Variants in HECTD4 observed in about 807,000 individuals in gnomAD.
HECTD4 encodes the protein HECT domain E3 ubiquitin protein ligase 4.
Under a neutral mutation model 471.5 loss-of-function variants are expected in HECTD4, and 114 were observed. That is an observed-to-expected ratio of 0.24 (90% CI 0.21 to 0.28). The LOEUF (loss-of-function observed/expected upper bound fraction) is 0.28. HECTD4 is among the 10% of genes least tolerant of loss of function. HECTD4 has a pLI of 1.00. For synonymous variants in HECTD4, 2,012 were observed against 2,256.0 expected (o/e 0.89, Z 3.07); for missense variants, 3,866 against 5,651.5 (o/e 0.68, Z 10.13).
At chr12:112,195,868 G>C (rs556723966) in intron 55 of HECTD4, among the ~76,000 whole-genome samples, 7 of 152,208 alleles carry the variant, frequency 4.6e-5, no homozygotes, top group Non-Finnish European at 1.0e-4. Context: ...TAGTGCCTAA[G>C]CACGTCTTAT....
intron 1 of HECTD4, among the ~76,000 whole-genome samples, chr12:112,364,469 C>A (rs1468819014): frequency 6.6e-6 from 1 of 151,864 alleles, no homozygotes; most frequent in African/African-American, 2.4e-5. Context: ...GCAGCTCAGG[C>A]TTGTAATGCC....
Position 112,185,432 on chromosome 12 carries a change from C to T in HECTD4, c.9534G>A (p.Leu3178=). ...ACVKELVFHL[L]AELLRTVHTL... ...TGTGCACCGTGCGCAGGAGCTCTGC[C>T]AGGAGATGGAAAACAAGCTCCTTCA... The change falls in exon 61 of 76, where the codon CTG becomes CTA. Residue 3178 remains leucine (L), a synonymous_variant. Coordinates refer to ENST00000682272, the MANE Select transcript of HECTD4 (RefSeq NM_001388303.1). 6.3e-7 allele frequency: 1 copy of T among 1,582,986 alleles called. No homozygotes were observed. The highest frequency in any genetic ancestry group is 8.6e-7 in the Non-Finnish European group (1 of 1,163,246).
chr12:112,353,462 T>G, intron 1 of HECTD4, among the ~76,000 whole-genome samples: 1 of 152,244 alleles, frequency 6.6e-6, no homozygotes, highest in East Asian at 1.9e-4. Context: ...AGCTTCGTAT[T>G]GTCTTTTATA....
chr12:112,209,088 G>C (rs2032681878), intron 50 of HECTD4, among the ~76,000 whole-genome samples: 1 of 151,498 alleles, frequency 6.6e-6, no homozygotes, highest in Non-Finnish European at 1.5e-5. Flanking sequence ...TTTTTGTAGA[G>C]ACAGGGTCTC....
chr12:112,187,622 C>CTTTTTTTT (rs150976845), intron 60 of HECTD4, among the ~76,000 whole-genome samples: 1 of 85,964 alleles, frequency 1.2e-5, no homozygotes, highest in Non-Finnish European at 2.1e-5. Context: ...GTTTCCTTTC[C>CTTTTTTTT]TTTTTTTTTT....
intron 1 of HECTD4, among the ~76,000 whole-genome samples, chr12:112,326,826 G>T (rs541892205): frequency 6.6e-6 from 1 of 152,134 alleles, no homozygotes; most frequent in East Asian, 1.9e-4. Context: ...ATTGAAAAGG[G>T]TCAAGTAAGA....
rs779939342 is a variant in HECTD4 at position 112,230,631 on chromosome 12, T to A, written c.6336+56A>T. 4.6e-6 allele frequency: 7 copies of A among 1,533,758 alleles called. No individual in the cohort carries two copies. The Admixed American group carries it at 1.4e-4, about 31-fold the overall frequency. On this transcript the variant is annotated intron_variant, in intron 40 of 75. Transcript: ENST00000682272. The stretch of plus-strand genomic sequence containing the variant: ...AAATGCCCCTTGCTGGGTATGATTC[T>A]AATTCTAATTAGCTTACTTCTTATT...
Position 112,244,340 on chromosome 12 carries a change from G to A in HECTD4, c.4514-331C>T, listed in dbSNP as rs539878398. Among the ~76,000 whole-genome samples the A allele has an allele frequency of 1.9e-4, 29 of 152,128 alleles. No homozygotes were observed. The South Asian group carries it at 3.7e-3, about 20-fold the overall frequency. The stretch of plus-strand genomic sequence containing the variant: ...AATGGAGGACATAGAAAGTATTGCC[G>A]AAAATCACAAATTTCTTTTTTTTAA... On this transcript the variant is annotated intron_variant, in intron 29 of 75. Transcript: ENST00000682272.
chr12:112,161,763 G>A lies in HECTD4; in HGVS notation c.*624C>T, dbSNP rs1291794687. On this transcript the variant is annotated 3_prime_UTR_variant, in exon 76 of 76. Coordinates refer to ENST00000682272, the MANE Select transcript of HECTD4 (RefSeq NM_001388303.1). The stretch of plus-strand genomic sequence containing the variant: ...GACGGCAGATAGGGAGGTATGGGAG[G>A]GGCAGGGGAACCACTGTGGGCTTTT... 6.6e-6 allele frequency: 1 copy of A among 152,302 alleles called. No individual in the cohort carries two copies. Among genetic ancestry groups the A allele is most frequent in the Non-Finnish European group, 1.5e-5 (1 of 68,130 alleles). 9.4% of individuals were successfully genotyped at this position (152,302 alleles called of 1,614,324 possible).
Position 112,243,787 on chromosome 12 carries a change from C to A in HECTD4, c.4650-26G>T, listed in dbSNP as rs2033694452. On this transcript the variant is annotated intron_variant, in intron 30 of 75. Transcript: ENST00000682272. This position sits in a 1 kb window ranked among gnomAD's most constrained non-coding sequence, Gnocchi z 6.6. ...CTACGGGGAACACAGAACAGACTGG[C>A]AAGACGAGAAACACACTCAGGGAGC... 11 of 1,609,608 alleles carry A rather than the reference C, an allele frequency of 6.8e-6. No homozygotes were observed. The highest frequency in any genetic ancestry group is 6.6e-5 in the South Asian group (6 of 90,838).
chr12:112,193,394 AT>A lies in HECTD4; in HGVS notation c.8955+74del. The A allele has an allele frequency of 6.9e-7, 1 of 1,447,060 alleles. No homozygotes were observed. Among genetic ancestry groups the A allele is most frequent in the Non-Finnish European group, 9.5e-7 (1 of 1,052,114 alleles). 89.6% of individuals were successfully genotyped at this position (1,447,060 alleles called of 1,614,324 possible). ...GGGACTTGGAAGGGAAAGGGGAGTC[AT>A]TTTCAGCAAGCCAGTGAGACTCCCA... On this transcript the variant is annotated intron_variant, in intron 57 of 75. Coordinates refer to ENST00000682272, the MANE Select transcript of HECTD4 (RefSeq NM_001388303.1). This position sits in a 1 kb window ranked among gnomAD's most constrained non-coding sequence, Gnocchi z 5.2.
intron 48 of HECTD4, among the ~76,000 whole-genome samples, chr12:112,215,229 C>T (rs1340459563): frequency 6.6e-6 from 1 of 152,088 alleles, no homozygotes; most frequent in East Asian, 1.9e-4. Context: ...TAACAAGCAG[C>T]CCCCTTAAGG....
intron 43 of HECTD4, 115 bp from the exon 44 acceptor site, chr12:112,226,873 A>C: frequency 1.6e-6 from 1 of 640,178 alleles, no homozygotes; most frequent in Non-Finnish European, 2.7e-6. Flanking sequence ...CAAGGTTCAA[A>C]CACCCCACTC....
chr12:112,336,425 A>T (rs2035959915), intron 1 of HECTD4, among the ~76,000 whole-genome samples: 1 of 151,988 alleles, frequency 6.6e-6, no homozygotes, highest in Non-Finnish European at 1.5e-5. Flanking sequence ...CAGGAGGCTG[A>T]GGCAGGAGAA....
At position 112,163,659 on chromosome 12, in the gene HECTD4, C is replaced by T. The variant is rs1240064031; in HGVS notation, c.12780G>A (p.Thr4260=). The change falls in exon 74 of 76, where the codon ACG becomes ACA. Residue 4260 remains threonine (T), a synonymous_variant. Coordinates refer to ENST00000682272, the MANE Select transcript of HECTD4 (RefSeq NM_001388303.1). This position sits in a 1 kb window ranked among gnomAD's most constrained non-coding sequence, Gnocchi z 8.2. ...TGGAGCCCAGGCCGGCCCGCACGGC[C>T]GTCACGCACTCCACATTCTGCAGCT... is the stretch of plus-strand genomic sequence containing the variant. ...LRELQNVECV[T]AVRAGLGSII... is the part of the protein sequence containing the mutation. The T allele has an allele frequency of 1.4e-5, 22 of 1,538,640 alleles. No individual in the cohort carries two copies. Among genetic ancestry groups the T allele is most frequent in the Admixed American group, 6.1e-5 (3 of 49,340 alleles).
rs771723331 is a variant in HECTD4 at position 112,265,177 on chromosome 12, G to A, written c.2617C>T (p.Pro873Ser). The A allele has an allele frequency of 2.5e-6, 4 of 1,589,974 alleles. No homozygotes were observed. Among genetic ancestry groups the A allele is most frequent in the East Asian group, 2.3e-5 (1 of 44,214 alleles). Residue 873 changes from proline (P) to serine (S), a missense_variant and splice_region_variant, in exon 16 of 76, where the codon CCT (proline) becomes TCT (serine). By Grantham distance (74) the Pro-to-Ser change is moderately conservative. Around this residue, in one of 16 missense-constraint regions of HECTD4, gnomAD observed 525 missense variants for 672.6 expected, o/e 0.78. Transcript: ENST00000682272. ...DDFQKLLSTV[P>S]AASSCLRYLM... ...TCATTAAACACATTTTTACTTACAG[G>A]CACAGTTGAAAGGAGCTTTTGAAAA...
At chr12:112,369,472 G>A (rs904420537) in intron 1 of HECTD4, among the ~76,000 whole-genome samples, 4 of 151,296 alleles carry the variant, frequency 2.6e-5, no homozygotes, top group Admixed American at 6.6e-5. Context: ...CTCCCAAGTA[G>A]CTGGGATTAC....
chr12:112,361,656 G>A lies in HECTD4; in HGVS notation c.177+20296C>T, dbSNP rs75161790. Among the ~76,000 whole-genome samples, 986 of 152,216 alleles carry A rather than the reference G, an allele frequency of 6.5e-3. 11 individuals carry two copies. The highest frequency in any genetic ancestry group is 0.023 in the African/African-American group (962 of 41,532). On this transcript the variant is annotated intron_variant, in intron 1 of 75. Transcript: ENST00000682272. ...GTAGAACTGAACTAACAGCTGGCGAGATGTGTCAATGCCAAAGCCTACAGT... is the reference window on the plus strand; with the variant it reads ...GTAGAACTGAACTAACAGCTGGCGAAATGTGTCAATGCCAAAGCCTACAGT...
chr12:112,240,896 C>T (rs547847372), intron 32 of HECTD4, among the ~76,000 whole-genome samples: 2 of 152,170 alleles, frequency 1.3e-5, no homozygotes, highest in South Asian at 2.1e-4. Flanking sequence ...AACATAGGGC[C>T]GATTCTATAC....
Sources: allele counts gnomAD v4.1 joint callset (sites outside exome capture counted in the v4.1 genomes callset), GRCh38; gene constraint gnomAD v4.1.1; regional missense constraint gnomAD v4.1.1; non-coding constraint Gnocchi (gnomAD v3.1); transcripts MANE v1.5; gene names NCBI Gene and HGNC (gene_info 2026-07-23, HGNC 2026-07-21).